Variants in STX11 observed in about 807,000 individuals in gnomAD.
STX11 encodes syntaxin-11.
STX11 carries 21 observed loss-of-function variants against 19.9 expected under a neutral mutation model. That is an observed-to-expected ratio of 1.06 (90% CI 0.75 to 1.52). The LOEUF (loss-of-function observed/expected upper bound fraction) is 1.52, where lower values mean the gene tolerates loss of function less well. Among genes scored for constraint, STX11 ranks in the 40% most tolerant of loss-of-function variants. The probability of loss-of-function intolerance (pLI) is 0.00; values close to 1 mark genes in which losing one functional copy is unlikely to be tolerated. For synonymous variants in STX11, 193 were observed against 174.4 expected (o/e 1.11, Z -0.84); for missense variants, 438 against 405.9 (o/e 1.08, Z -0.68).
At position 144,180,490 on chromosome 6, in the gene STX11, G is replaced by A. The variant is rs963193440; in HGVS notation, c.-5-6133G>A. ...GATTGGTCTTCCCTGTGCTATTCTC[G>A]TGATAGTGAATAAGTCTCATGAGAT... On this transcript the variant is annotated intron_variant, in intron 1 of 1. Coordinates refer to ENST00000367568, the MANE Select transcript of STX11 (RefSeq NM_003764.4). The surrounding 1 kb of genome is among the most constrained non-coding windows in gnomAD (Gnocchi z 5.3). Among the ~76,000 whole-genome samples the A allele has an allele frequency of 5.3e-5, 8 of 152,162 alleles. No homozygotes were observed. Among genetic ancestry groups the A allele is most frequent in the Non-Finnish European group, 7.4e-5 (5 of 68,022 alleles).
In STX11 at chr6:144,180,444, G is replaced by A. The variant is rs1801882608; in HGVS notation, c.-5-6179G>A. Reference sequence around the variant, plus strand: ...CCATGTGTTGTGGGAGGGACCCAGGGGAAGGTAATTGAATCCTGGGGATTG... The same window carrying A: ...CCATGTGTTGTGGGAGGGACCCAGGAGAAGGTAATTGAATCCTGGGGATTG... On this transcript the variant is annotated intron_variant, in intron 1 of 1. Transcript: ENST00000367568. The surrounding 1 kb of genome is among the most constrained non-coding windows in gnomAD (Gnocchi z 5.3). Among the ~76,000 whole-genome samples the A allele has an allele frequency of 6.6e-6, 1 of 152,190 alleles. No individual in the cohort carries two copies. Among genetic ancestry groups the A allele is most frequent in the Non-Finnish European group, 1.5e-5 (1 of 68,030 alleles).
At position 144,187,363 on chromosome 6, in the gene STX11, G is replaced by A. The variant is rs1469614986; in HGVS notation, c.736G>A (p.Glu246Lys). ...EKQADTLNVI[E>K]LNVQKTVDYT... ...GCAGGCCGACACCCTGAACGTCATC[G>A]AGCTCAACGTACAAAAGACGGTCGA... The change falls in exon 2 of 2, where the codon GAG (glutamate) becomes AAG (lysine). Residue 246 changes from glutamate to lysine, a missense_variant. Glu to Lys is a moderately conservative substitution (Grantham distance 56, BLOSUM62 1). Coordinates refer to ENST00000367568, the MANE Select transcript of STX11 (RefSeq NM_003764.4). This position sits in a 1 kb window ranked among gnomAD's most constrained non-coding sequence, Gnocchi z 5.6. 4 of 1,610,380 alleles carry A rather than the reference G, an allele frequency of 2.5e-6. No homozygotes were observed. Among genetic ancestry groups the A allele is most frequent in the South Asian group, 1.1e-5 (1 of 91,092 alleles).
At position 144,175,431 on chromosome 6, in the gene STX11, C is replaced by T. The variant is rs962411475; in HGVS notation, c.-5-11192C>T. Among the ~76,000 whole-genome samples, 3 of 152,036 alleles carry T rather than the reference C, an allele frequency of 2.0e-5. No individual in the cohort carries two copies. Among genetic ancestry groups the T allele is most frequent in the East Asian group, 1.9e-4 (1 of 5,186 alleles). On this transcript the variant is annotated intron_variant, in intron 1 of 1. Transcript: ENST00000367568. The surrounding 1 kb of genome is among the most constrained non-coding windows in gnomAD (Gnocchi z 5.1). ...TGTTTTTTCTTCTGCCTCATCCTCC[C>T]GAGTAGCTGGGACTACAGGTATATG... is the stretch of plus-strand genomic sequence containing the variant.
chr6:144,161,286 G>C (rs1411881985), intron 1 of STX11, among the ~76,000 whole-genome samples: 1 of 152,142 alleles, frequency 6.6e-6, no homozygotes, highest in Non-Finnish European at 1.5e-5. Flanking sequence ...AATTATAATA[G>C]TGTCACTTCA....
rs1039009807 is a variant in STX11 at position 144,155,874 on chromosome 6, T to C, written c.-6+5171T>C. 6.6e-6 allele frequency among the ~76,000 whole-genome samples: 1 copy of C among 152,234 alleles called. No homozygotes were observed. Among genetic ancestry groups the C allele is most frequent in the African/African-American group, 2.4e-5 (1 of 41,460 alleles). On this transcript the variant is annotated intron_variant, in intron 1 of 1. Transcript: ENST00000367568. The surrounding 1 kb of genome is among the most constrained non-coding windows in gnomAD (Gnocchi z 4.5). The stretch of plus-strand genomic sequence containing the variant: ...TAATTGGGTAATTTTTAGAATGATG[T>C]AGAGTTGTAGAATTGGTAATTTTCA...
intron 1 of STX11, 36 bp from the exon 2 acceptor site, chr6:144,186,587 A>ATT: frequency 6.2e-7 from 1 of 1,613,410 alleles, no homozygotes; most frequent in Non-Finnish European, 8.5e-7. Flanking sequence ...TTTGACTCTC[A>ATT]ATAGAGAAAT....
chr6:144,188,912 A>G lies in STX11; in HGVS notation c.*1421A>G, dbSNP rs977287898. 1.1e-4 allele frequency among the ~76,000 whole-genome samples: 17 copies of G among 151,754 alleles called. No homozygotes were observed. Among genetic ancestry groups the G allele is most frequent in the Non-Finnish European group, 1.0e-4 (7 of 67,930 alleles). On this transcript the variant is annotated 3_prime_UTR_variant, in exon 2 of 2. Coordinates refer to ENST00000367568, the MANE Select transcript of STX11 (RefSeq NM_003764.4). ...TGGCTAATTTTTTATGTTTTTAGTA[A>G]AGACGGTGTTTCACCGTGTTAGCCA...
intron 1 of STX11, among the ~76,000 whole-genome samples, chr6:144,161,718 T>C (rs769764522): frequency 3.9e-5 from 6 of 152,166 alleles, no homozygotes; most frequent in Non-Finnish European, 8.8e-5. Flanking sequence ...TCAAGTGCTA[T>C]GGATAGTTTG....
intron 1 of STX11, among the ~76,000 whole-genome samples, chr6:144,181,033 A>T (rs547432149): frequency 6.6e-6 from 1 of 152,346 alleles, no homozygotes; most frequent in South Asian, 2.1e-4. Flanking sequence ...AAGGGATCAG[A>T]ATAAACTATT....
Position 144,169,307 on chromosome 6 carries a change from G to T in STX11, c.-5-17316G>T, listed in dbSNP as rs542008503. Among the ~76,000 whole-genome samples, 7 of 152,324 alleles carry T rather than the reference G, an allele frequency of 4.6e-5. No individual in the cohort carries two copies. Among genetic ancestry groups the T allele is most frequent in the African/African-American group, 1.4e-4 (6 of 41,574 alleles). ...GTTTTATCAGCATTGCAAACTTGTT[G>T]TGGAGTCAAATTTTCATCAGCAATG... On this transcript the variant is annotated intron_variant, in intron 1 of 1. Transcript: ENST00000367568. The surrounding 1 kb of genome is among the most constrained non-coding windows in gnomAD (Gnocchi z 5.2).
Position 144,169,745 on chromosome 6 carries a change from G to T in STX11, c.-5-16878G>T, listed in dbSNP as rs900504288. 6.6e-6 allele frequency among the ~76,000 whole-genome samples: 1 copy of T among 150,488 alleles called. No homozygotes were observed. Among genetic ancestry groups the T allele is most frequent in the Admixed American group, 6.7e-5 (1 of 15,032 alleles). ...CTGTCACCCAGGCTGGAGTGCAGTGGCACAATCATAGCTCACTGCAGCCTC... is the reference window on the plus strand; with the variant it reads ...CTGTCACCCAGGCTGGAGTGCAGTGTCACAATCATAGCTCACTGCAGCCTC... On this transcript the variant is annotated intron_variant, in intron 1 of 1. Transcript: ENST00000367568. This position sits in a 1 kb window ranked among gnomAD's most constrained non-coding sequence, Gnocchi z 5.2.
rs770298195 is a variant in STX11, at chr6:144,184,938, G to A, written c.-5-1685G>A. On this transcript the variant is annotated intron_variant, in intron 1 of 1. Coordinates refer to ENST00000367568, the MANE Select transcript of STX11 (RefSeq NM_003764.4). This position sits in a 1 kb window ranked among gnomAD's most constrained non-coding sequence, Gnocchi z 6.5. ...AGTTGGTGGTTTGTCTTTCAATTTT[G>A]TTCAAAGTGAGGAAACAGTTGAATA... 7.2e-5 allele frequency among the ~76,000 whole-genome samples: 11 copies of A among 151,996 alleles called. No individual in the cohort carries two copies. The highest frequency in any genetic ancestry group is 1.0e-4 in the Non-Finnish European group (7 of 68,004).
At chr6:144,140,254 A>ATTTT in the STX11 span, among the ~76,000 whole-genome samples, 1 of 38,904 alleles carries the variant, frequency 2.6e-5, no homozygotes, top group African/African-American at 1.3e-4. Context: ...ATATATATAT[A>ATTTT]TTTATTTATT....
rs1281896626 is a variant in STX11 at position 144,187,071 on chromosome 6, G to T, written c.444G>T (p.Gln148His). 6.2e-7 allele frequency: 1 copy of T among 1,613,568 alleles called. No individual in the cohort carries two copies. The highest frequency in any genetic ancestry group is 1.7e-5 in the Admixed American group (1 of 60,034). The part of the protein sequence containing the change: ...TFQRAMHDYN[Q>H]AEMKQRDNCK... ...AGCGCGCCATGCACGACTACAACCA[G>T]GCCGAGATGAAGCAGCGCGACAACT... Residue 148 changes from glutamine (Q) to histidine (H), a missense_variant, in exon 2 of 2, where the codon CAG becomes CAT. By Grantham distance (24) the Gln-to-His change is conservative. Transcript: ENST00000367568. The surrounding 1 kb of genome is among the most constrained non-coding windows in gnomAD (Gnocchi z 5.6).
chr6:144,152,145 AT>A lies in STX11; in HGVS notation c.-6+1445del, dbSNP rs1197155232. Among the ~76,000 whole-genome samples the A allele has an allele frequency of 1.4e-4, 21 of 152,220 alleles. 1 individual carries two copies. The highest frequency in any genetic ancestry group is 1.3e-3 in the Admixed American group (20 of 15,284). On this transcript the variant is annotated intron_variant, in intron 1 of 1. Coordinates refer to ENST00000367568, the MANE Select transcript of STX11 (RefSeq NM_003764.4). The surrounding 1 kb of genome is among the most constrained non-coding windows in gnomAD (Gnocchi z 4.9). ...AACTCAATATGCTGGGTCCCAGTGTATTTAAAGAGTAGACTCAGCAGATTAT... is the reference window on the plus strand; with the variant it reads ...AACTCAATATGCTGGGTCCCAGTGTATTAAAGAGTAGACTCAGCAGATTAT...
At position 144,187,336 on chromosome 6, in the gene STX11, A is replaced by G. The variant is rs1226794684; in HGVS notation, c.709A>G (p.Lys237Glu). The G allele has an allele frequency of 6.2e-7, 1 of 1,610,418 alleles. No homozygotes were observed. Among genetic ancestry groups the G allele is most frequent in the African/African-American group, 1.3e-5 (1 of 74,876 alleles). ...LFLQMAVLVE[K>E]QADTLNVIEL... Reference sequence around the variant, plus strand: ...CTTGCAGATGGCGGTGCTGGTGGAGAAGCAGGCCGACACCCTGAACGTCAT... The same window carrying G: ...CTTGCAGATGGCGGTGCTGGTGGAGGAGCAGGCCGACACCCTGAACGTCAT... Residue 237 changes from lysine to glutamate, a missense_variant, in exon 2 of 2, where the codon AAG (lysine) becomes GAG (glutamate). Coordinates refer to ENST00000367568, the MANE Select transcript of STX11 (RefSeq NM_003764.4). This position sits in a 1 kb window ranked among gnomAD's most constrained non-coding sequence, Gnocchi z 5.6.
rs1242300170 is a variant in STX11, at chr6:144,174,164, C to T, written c.-5-12459C>T. Among the ~76,000 whole-genome samples the T allele has an allele frequency of 6.6e-6, 1 of 152,114 alleles. No individual in the cohort carries two copies. Among genetic ancestry groups the T allele is most frequent in the African/African-American group, 2.4e-5 (1 of 41,428 alleles). ...TCTTCCTGCAGGCTAGCCCAGGCTT[C>T]GTCATATAGTGGAATTAAGCTACCC... On this transcript the variant is annotated intron_variant, in intron 1 of 1. Coordinates refer to ENST00000367568, the MANE Select transcript of STX11 (RefSeq NM_003764.4). The surrounding 1 kb of genome is among the most constrained non-coding windows in gnomAD (Gnocchi z 5.3).
chr6:144,187,496 C>A lies in STX11; in HGVS notation c.*5C>A. 6.2e-7 allele frequency: 1 copy of A among 1,611,404 alleles called. No individual in the cohort carries two copies. The highest frequency in any genetic ancestry group is 8.5e-7 in the Non-Finnish European group (1 of 1,179,870). ...TGCTGTCCCTGCCTCAAGTAGCAGG[C>A]CGGCCCGGGCCGCCACCGCCCATCC... is the stretch of plus-strand genomic sequence containing the variant. On this transcript the variant is annotated 3_prime_UTR_variant, in exon 2 of 2. Coordinates refer to ENST00000367568, the MANE Select transcript of STX11 (RefSeq NM_003764.4). The surrounding 1 kb of genome is among the most constrained non-coding windows in gnomAD (Gnocchi z 5.6).
the STX11 span, chr6:144,140,651 C>A: frequency 3.0e-6 from 2 of 673,514 alleles, no homozygotes; most frequent in Non-Finnish European, 3.7e-6. Flanking sequence ...AGGCTGTGGT[C>A]TGTGAACTCA....
Sources: gnomAD v4.1 joint callset for allele counts (sites outside exome capture counted in the v4.1 genomes callset) on GRCh38, gnomAD v4.1.1 for gene constraint, Gnocchi (gnomAD v3.1) non-coding constraint, MANE v1.5 for transcripts, NCBI Gene and HGNC (gene_info 2026-07-23, HGNC 2026-07-21) for gene names.